The following ITPRID2 variants were observed in gnomAD, a reference collection of about 807,000 sequenced individuals.
The protein encoded by ITPRID2 is protein ITPRID2.
A neutral mutation model predicts 124.3 loss-of-function variants in ITPRID2; 60 were observed. The observed-to-expected ratio is 0.48, with a 90% CI of 0.39 to 0.60. ITPRID2 has a LOEUF of 0.60. ITPRID2 is among the 20% of genes least tolerant of loss of function. The probability of loss-of-function intolerance (pLI) is 0.00; values close to 1 mark genes in which losing one functional copy is unlikely to be tolerated. For synonymous variants in ITPRID2, 521 were observed against 542.9 expected, an observed-to-expected ratio of 0.96 and a Z score of 0.56; for missense variants, 1,553 against 1,512.2, an observed-to-expected ratio of 1.03 and a Z score of -0.45.
At chr2:181,920,501 T>C in intron 14 of ITPRID2, 96 bp from the exon 15 acceptor site, 1 of 857,620 alleles carries the variant, frequency 1.2e-6, no homozygotes, top group Non-Finnish European at 1.7e-6. Context: ...AAAAGTCTTG[T>C]GATTTGAAAA....
At chr2:181,911,278 G>A (rs6755017) in intron 9 of ITPRID2, among the ~76,000 whole-genome samples, 7,144 of 152,134 alleles carry the variant, frequency 0.047, 237 homozygotes, top group East Asian at 0.13. Flanking sequence ...AGAAACACTC[G>A]TAATATATTT....
chr2:181,927,211 A>G (rs1694927979), intron 16 of ITPRID2, among the ~76,000 whole-genome samples: 1 of 152,238 alleles, frequency 6.6e-6, no homozygotes, highest in Non-Finnish European at 1.5e-5. Flanking sequence ...ACTTAGGAAC[A>G]TTGTAGGAAA....
intron 8 of ITPRID2, among the ~76,000 whole-genome samples, chr2:181,906,702 G>A (rs1693153667): frequency 6.6e-6 from 1 of 151,874 alleles, no homozygotes; most frequent in Non-Finnish European, 1.5e-5. Context: ...TTCCACCACT[G>A]CACTCCAGCC....
intron 8 of ITPRID2, among the ~76,000 whole-genome samples, chr2:181,903,805 T>G (rs1346006919): frequency 6.6e-6 from 1 of 151,858 alleles, no homozygotes; most frequent in South Asian, 2.1e-4. Context: ...AAACCTCTGT[T>G]TGTTCTTTTT....
intron 8 of ITPRID2, among the ~76,000 whole-genome samples, chr2:181,908,027 T>C (rs747967035): frequency 9.2e-5 from 14 of 152,242 alleles, no homozygotes; most frequent in Non-Finnish European, 1.3e-4. Flanking sequence ...TGTTATTTTG[T>C]GATTAATTTC....
intron 14 of ITPRID2, 72 bp from the exon 15 acceptor site, chr2:181,920,525 A>C (rs184231093): frequency 9.0e-7 from 1 of 1,109,470 alleles, no homozygotes; most frequent in Non-Finnish European, 1.3e-6. Context: ...ATATATGTAC[A>C]TTATAATTAT....
rs1691868452 is a variant in ITPRID2, at chr2:181,892,801, C to T, written c.257+141C>T. On this transcript the variant is annotated intron_variant, in intron 2 of 17. Coordinates refer to ENST00000431877, the MANE Select transcript of ITPRID2 (RefSeq NM_001130445.3). The surrounding 1 kb of genome is among the most constrained non-coding windows in gnomAD (Gnocchi z 5.2). ...CGGAAAGTGAGCCGGCGGATAGCTT[C>T]CTCCTCTAAGCGATTAGAAATGGAA... is the stretch of plus-strand genomic sequence containing the variant. 2.2e-6 allele frequency: 2 copies of T among 910,790 alleles called. No homozygotes were observed. Among genetic ancestry groups the T allele is most frequent in the South Asian group, 1.5e-5 (1 of 68,822 alleles). 56.4% of individuals were successfully genotyped at this position (910,790 alleles called of 1,614,324 possible). A position where few individuals can be genotyped will look rare whatever the true frequency, so the allele number is the denominator to read the frequency against.
chr2:181,905,593 A>G lies in ITPRID2; in HGVS notation c.1413+3127A>G, dbSNP rs992489218. On this transcript the variant is annotated intron_variant, in intron 8 of 17. Coordinates refer to ENST00000431877, the MANE Select transcript of ITPRID2 (RefSeq NM_001130445.3). The surrounding 1 kb of genome is among the most constrained non-coding windows in gnomAD (Gnocchi z 4.1). ...TAAGAAGGAGAACTTTTATCTCAGC[A>G]TTTCTGTAAGAAGTTGACTGTGTGG... is the stretch of plus-strand genomic sequence containing the variant. Among the ~76,000 whole-genome samples the G allele has an allele frequency of 5.9e-5, 9 of 152,200 alleles. No individual in the cohort carries two copies. The highest frequency in any genetic ancestry group is 2.2e-4 in the African/African-American group (9 of 41,472).
At position 181,919,117 on chromosome 2, in the gene ITPRID2, G is replaced by T. The variant is rs953152418; in HGVS notation, c.2994-179G>T. 5.3e-5 allele frequency among the ~76,000 whole-genome samples: 8 copies of T among 152,204 alleles called. No homozygotes were observed. Among genetic ancestry groups the T allele is most frequent in the African/African-American group, 1.9e-4 (8 of 41,448 alleles). On this transcript the variant is annotated intron_variant, in intron 13 of 17. Coordinates refer to ENST00000431877, the MANE Select transcript of ITPRID2 (RefSeq NM_001130445.3). This position sits in a 1 kb window ranked among gnomAD's most constrained non-coding sequence, Gnocchi z 4.2. ...CCCGTGTTTGAGATATTTGTGAGAG[G>T]ATAGGGGAAGAAAGACTAATGTCCT...
chr2:181,929,308 GTATAA>G (rs902979752), intron 17 of ITPRID2, among the ~76,000 whole-genome samples: 7 of 151,764 alleles, frequency 4.6e-5, no homozygotes, highest in African/African-American at 1.7e-4. Context: ...AATTTGAAAA[GTATAA>G]TATACAATTT....
intron 16 of ITPRID2, among the ~76,000 whole-genome samples, chr2:181,925,494 T>C (rs1694778569): frequency 2.0e-5 from 3 of 152,174 alleles, no homozygotes; most frequent in African/African-American, 7.2e-5. Context: ...ATAAAGACAT[T>C]GTATCATTTT....
At position 181,896,281 on chromosome 2, in the gene ITPRID2, A is replaced by G. The variant is rs958970785; in HGVS notation, c.307+202A>G. On this transcript the variant is annotated intron_variant, in intron 3 of 17. Transcript: ENST00000431877. This position sits in a 1 kb window ranked among gnomAD's most constrained non-coding sequence, Gnocchi z 4.3. ...TAAGCAAATTGCCTAGCCTTTTCACAACGTGAAACTTATATCTTTATTGTC... is the reference window on the plus strand; with the variant it reads ...TAAGCAAATTGCCTAGCCTTTTCACGACGTGAAACTTATATCTTTATTGTC... Among the ~76,000 whole-genome samples, 1 of 152,074 alleles carries G rather than the reference A, an allele frequency of 6.6e-6. No homozygotes were observed. The highest frequency in any genetic ancestry group is 1.5e-5 in the Non-Finnish European group (1 of 67,894).
At chr2:181,924,992 A>C (rs1694741928) in intron 16 of ITPRID2, among the ~76,000 whole-genome samples, 1 of 152,236 alleles carries the variant, frequency 6.6e-6, no homozygotes, top group African/African-American at 2.4e-5. Context: ...ATGCCCACAG[A>C]AGCCAATTCA....
intron 16 of ITPRID2, among the ~76,000 whole-genome samples, chr2:181,926,367 A>G: frequency 6.6e-6 from 1 of 152,206 alleles, no homozygotes; most frequent in South Asian, 2.1e-4. Flanking sequence ...ACTTTATTCC[A>G]ATAATGCCTG....
chr2:181,915,120 A>G lies in ITPRID2; in HGVS notation c.1576-96A>G, dbSNP rs1574271390. ...CAGCAGGGCCACAACTGCAGTGGAG[A>G]CAGTGAAATTATAGAAGCACCATGT... On this transcript the variant is annotated intron_variant, in intron 10 of 17. Coordinates refer to ENST00000431877, the MANE Select transcript of ITPRID2 (RefSeq NM_001130445.3). The G allele has an allele frequency of 1.2e-5, 17 of 1,405,464 alleles. No individual in the cohort carries two copies. In the East Asian group the frequency reaches 3.9e-4, roughly 32 times the overall value. The allele number at this position is 1,405,464 out of a possible 1,614,324, so 87.1% of individuals were successfully genotyped here. A position where few individuals can be genotyped will look rare whatever the true frequency, so the allele number is the denominator to read the frequency against.
chr2:181,918,472 T>C, intron 11 of ITPRID2, 126 bp from the exon 12 acceptor site: 31 of 1,475,096 alleles, frequency 2.1e-5, no homozygotes, highest in Non-Finnish European at 2.8e-5. Flanking sequence ...AATATGAAGG[T>C]TTTTTGGATC....
chr2:181,922,184 C>T lies in ITPRID2; in HGVS notation c.3447C>T (p.Phe1149=). ...KTPLVARKKV[F]RASVALTPTA... ...CATTAGTGGCAAGGAAGAAAGTGTT[C>T]CGAGCATCGGTGGCTCTAACGCCAA... Residue 1149 remains phenylalanine (F), a synonymous_variant, in exon 16 of 18, where the codon TTC becomes TTT. Transcript: ENST00000431877. The T allele has an allele frequency of 3.7e-6, 6 of 1,614,230 alleles. No individual in the cohort carries two copies. The highest frequency in any genetic ancestry group is 5.1e-6 in the Non-Finnish European group (6 of 1,180,048).
rs544902045 is a variant in ITPRID2, at chr2:181,910,820, A to G, written c.1486+849A>G. Among the ~76,000 whole-genome samples, 1 of 152,074 alleles carries G rather than the reference A, an allele frequency of 6.6e-6. No homozygotes were observed. The highest frequency in any genetic ancestry group is 1.5e-5 in the Non-Finnish European group (1 of 68,012). ...TTGCAATATGGTATTAAGAAACAAG[A>G]GCTTCACTCTCACTCGGTCACTGCA... On this transcript the variant is annotated intron_variant, in intron 9 of 17. Coordinates refer to ENST00000431877, the MANE Select transcript of ITPRID2 (RefSeq NM_001130445.3). The surrounding 1 kb of genome is among the most constrained non-coding windows in gnomAD (Gnocchi z 4.1).
Position 181,919,662 on chromosome 2 carries a change from A to G in ITPRID2, c.3144+216A>G, listed in dbSNP as rs1208685003. 1.3e-5 allele frequency among the ~76,000 whole-genome samples: 2 copies of G among 152,196 alleles called. No individual in the cohort carries two copies. Among genetic ancestry groups the G allele is most frequent in the African/African-American group, 4.8e-5 (2 of 41,446 alleles). On this transcript the variant is annotated intron_variant, in intron 14 of 17. Coordinates refer to ENST00000431877, the MANE Select transcript of ITPRID2 (RefSeq NM_001130445.3). This position sits in a 1 kb window ranked among gnomAD's most constrained non-coding sequence, Gnocchi z 4.2. ...AGAAATATGTTGAAAATTTTTAATG[A>G]TAAATTTTAATAACAGGAAAGAATA...
Sources: gnomAD v4.1 joint callset for allele counts (sites outside exome capture counted in the v4.1 genomes callset) on GRCh38, gnomAD v4.1.1 for gene constraint, Gnocchi (gnomAD v3.1) non-coding constraint, MANE v1.5 for transcripts, NCBI Gene and HGNC (gene_info 2026-07-23, HGNC 2026-07-21) for gene names.